Variants in CSTF1 observed in about 807,000 individuals in gnomAD.
CSTF1 encodes the protein CF-1 50 kDa subunit.
Under a neutral mutation model 40.9 loss-of-function variants are expected in CSTF1, and 2 were observed. The observed-to-expected ratio is 0.05, with a 90% CI of 0.02 to 0.15. The LOEUF (loss-of-function observed/expected upper bound fraction) is 0.15. Among genes scored for constraint, CSTF1 ranks in the 10% least tolerant of loss-of-function variants. The pLI is 1.00. For missense variants in CSTF1, 279 were observed against 558.9 expected, an observed-to-expected ratio of 0.50 and a Z score of 5.05; for synonymous variants, 218 against 207.2, an observed-to-expected ratio of 1.05 and a Z score of -0.45.
chr20:56,403,397 T>C lies in CSTF1; in HGVS notation c.1037-71T>C, dbSNP rs1173784084. On this transcript the variant is annotated intron_variant, in intron 5 of 5. Transcript: ENST00000217109. ...GCAACAGGTTTAAAATGCTTTTACA[T>C]TGAATGCTAGAACGTTCTGAGGGTC... 10 of 1,565,622 alleles carry C rather than the reference T, an allele frequency of 6.4e-6. No homozygotes were observed. In the East Asian group the frequency reaches 1.1e-4, roughly 18 times the overall value.
intron 5 of CSTF1, among the ~76,000 whole-genome samples, 195 bp from the exon 6 acceptor site, chr20:56,403,273 C>T (rs183985152): frequency 3.3e-5 from 5 of 152,106 alleles, no homozygotes; most frequent in African/African-American, 1.2e-4. Flanking sequence ...TCCTCAGCCT[C>T]CCAAAGTACT....
chr20:56,398,858 C>T (rs1472825321), intron 4 of CSTF1, 109 bp from the exon 5 acceptor site: 1 of 1,060,930 alleles, frequency 9.4e-7, no homozygotes, highest in African/African-American at 1.6e-5. Flanking sequence ...TGTGTAATAT[C>T]TAATAATTGT....
chr20:56,398,246 A>G (rs1978322817), intron 4 of CSTF1, among the ~76,000 whole-genome samples: 1 of 152,230 alleles, frequency 6.6e-6, no homozygotes, highest in South Asian at 2.1e-4. Flanking sequence ...AGAAATACTA[A>G]TGTTTTAGTT....
intron 2 of CSTF1, among the ~76,000 whole-genome samples, chr20:56,396,573 G>C (rs573788029): frequency 6.6e-6 from 1 of 152,238 alleles, no homozygotes; most frequent in Non-Finnish European, 1.5e-5. Context: ...CGTGCACGGG[G>C]AAGGATCCCT....
chr20:56,403,359 A>G (rs1388895144), intron 5 of CSTF1, 109 bp from the exon 6 acceptor site: 1 of 1,270,322 alleles, frequency 7.9e-7, no homozygotes, highest in East Asian at 2.3e-5. Flanking sequence ...GAAAGTGTAC[A>G]AGGTGTATCA....
chr20:56,403,373 C>A, intron 5 of CSTF1, 95 bp from the exon 6 acceptor site: 1 of 1,452,560 alleles, frequency 6.9e-7, no homozygotes, highest in Non-Finnish European at 9.5e-7. Flanking sequence ...TGTATCACTG[C>A]AACAGGTTTA....
intron 1 of CSTF1, among the ~76,000 whole-genome samples, chr20:56,393,190 A>G (rs924591258): frequency 4.1e-4 from 57 of 139,122 alleles, no homozygotes; most frequent in African/African-American, 1.3e-3. Context: ...GTGTGTGTGT[A>G]TGTACACCCG....
Position 56,403,741 on chromosome 20 carries a change from T to C in CSTF1, c.*14T>C. ...ACCACTGACTGAGCCACCCTCTCCG[T>C]AGGGTTCTTTCTCGAGGACTCTACC... On this transcript the variant is annotated 3_prime_UTR_variant, in exon 6 of 6. Coordinates refer to ENST00000217109, the MANE Select transcript of CSTF1 (RefSeq NM_001324.3). 1 of 1,603,716 alleles carries C rather than the reference T, an allele frequency of 6.2e-7. No homozygotes were observed. Among genetic ancestry groups the C allele is most frequent in the Non-Finnish European group, 8.5e-7 (1 of 1,171,854 alleles).
At chr20:56,394,003 A>G (rs1987429455) in intron 1 of CSTF1, among the ~76,000 whole-genome samples, 1 of 152,090 alleles carries the variant, frequency 6.6e-6, no homozygotes, top group Non-Finnish European at 1.5e-5. Flanking sequence ...GGAGTTGGCA[A>G]TTCTGGTGTG....
At chr20:56,394,446 G>A (rs1457432108) in intron 1 of CSTF1, among the ~76,000 whole-genome samples, 2 of 152,188 alleles carry the variant, frequency 1.3e-5, no homozygotes, top group Non-Finnish European at 2.9e-5. Context: ...AATTAGCCTG[G>A]TGTGGTGGCG....
Position 56,397,052 on chromosome 20 carries a change from TAC to T in CSTF1, c.170-151_170-150del, listed in dbSNP as rs774399287. On this transcript the variant is annotated intron_variant, in intron 2 of 5. Transcript: ENST00000217109. This position sits in a 1 kb window ranked among gnomAD's most constrained non-coding sequence, Gnocchi z 4.4. ...TGAACTTTGAATAGCATGGGCAAAA[TAC>T]ACAGTTTTGTAAAGTGTTAGGTGTC... is the stretch of plus-strand genomic sequence containing the variant. The T allele has an allele frequency of 2.7e-5, 21 of 776,016 alleles. No homozygotes were observed. Among genetic ancestry groups the T allele is most frequent in the Non-Finnish European group, 4.0e-5 (20 of 496,642 alleles). 48.1% of individuals were successfully genotyped at this position (776,016 alleles called of 1,614,324 possible). A position where few individuals can be genotyped will look rare whatever the true frequency, so the allele number is the denominator to read the frequency against.
At chr20:56,398,341 G>A (rs1183566049) in intron 4 of CSTF1, among the ~76,000 whole-genome samples, 1 of 152,142 alleles carries the variant, frequency 6.6e-6, no homozygotes, top group Non-Finnish European at 1.5e-5. Flanking sequence ...AGCCAAAGTG[G>A]GAGGATCACT....
rs972516329 is a variant in CSTF1, at chr20:56,406,060, G to C, written c.*2333G>C. ...GTAGTTTCAGGACCTGTTTTTAAAA[G>C]ATCAAGATACTTTTATGTGTTTCAG... On this transcript the variant is annotated 3_prime_UTR_variant, in exon 6 of 6. Transcript: ENST00000217109. The C allele has an allele frequency of 1.1e-4, 16 of 152,164 alleles. No homozygotes were observed. The highest frequency in any genetic ancestry group is 3.9e-4 in the African/African-American group (16 of 41,436). The allele number at this position is 152,164 out of a possible 1,614,324, so 9.4% of individuals were successfully genotyped here.
chr20:56,397,540 A>G lies in CSTF1; in HGVS notation c.447+56A>G. Reference sequence around the variant, plus strand: ...GCCTTCTGTTTTTCATTTTTGGAAAAATGAGAGTATGGTTGAAACCAGCTT... The same window carrying G: ...GCCTTCTGTTTTTCATTTTTGGAAAGATGAGAGTATGGTTGAAACCAGCTT... On this transcript the variant is annotated intron_variant, in intron 3 of 5. Transcript: ENST00000217109. This position sits in a 1 kb window ranked among gnomAD's most constrained non-coding sequence, Gnocchi z 4.4. 6.2e-7 allele frequency: 1 copy of G among 1,601,926 alleles called. No individual in the cohort carries two copies. The highest frequency in any genetic ancestry group is 1.1e-5 in the South Asian group (1 of 90,382).
chr20:56,403,925 T>C lies in CSTF1; in HGVS notation c.*198T>C, dbSNP rs1184347988. 1 of 589,606 alleles carries C rather than the reference T, an allele frequency of 1.7e-6. No individual in the cohort carries two copies. The highest frequency in any genetic ancestry group is 3.0e-6 in the Non-Finnish European group (1 of 336,188). 36.5% of individuals were successfully genotyped at this position (589,606 alleles called of 1,614,324 possible). A position where few individuals can be genotyped will look rare whatever the true frequency, so the allele number is the denominator to read the frequency against. Reference sequence around the variant, plus strand: ...GTGGAAAAAGTTGGAAACACAGATCTGTGCAGTTCTACATTCACTGATTAT... The same window carrying C: ...GTGGAAAAAGTTGGAAACACAGATCCGTGCAGTTCTACATTCACTGATTAT... On this transcript the variant is annotated 3_prime_UTR_variant, in exon 6 of 6. Transcript: ENST00000217109.
intron 5 of CSTF1, among the ~76,000 whole-genome samples, chr20:56,402,942 A>T (rs1038935589): frequency 1.3e-5 from 2 of 152,022 alleles, no homozygotes; most frequent in Non-Finnish European, 2.9e-5. Flanking sequence ...TAAAAAAAAA[A>T]AAAAAAGATC....
intron 5 of CSTF1, 136 bp from the exon 6 acceptor site, chr20:56,403,332 A>G (rs1269874159): frequency 8.6e-6 from 9 of 1,051,550 alleles, no homozygotes; most frequent in Non-Finnish European, 1.1e-5. Context: ...TCTTTTTTGT[A>G]CTTTTTTAGA....
Position 56,397,970 on chromosome 20 carries a change from G to A in CSTF1, c.645+129G>A, listed in dbSNP as rs1248247169. 18 of 703,600 alleles carry A rather than the reference G, an allele frequency of 2.6e-5. No individual in the cohort carries two copies. The highest frequency in any genetic ancestry group is 3.6e-5 in the African/African-American group (2 of 55,768). 43.6% of individuals were successfully genotyped at this position (703,600 alleles called of 1,614,324 possible). On this transcript the variant is annotated intron_variant, in intron 4 of 5. Coordinates refer to ENST00000217109, the MANE Select transcript of CSTF1 (RefSeq NM_001324.3). This position sits in a 1 kb window ranked among gnomAD's most constrained non-coding sequence, Gnocchi z 4.4. ...TGCGTACAGACCAGGATGCATGCCCGATGGCACATGGATCAGATTTTGTTG... is the reference window on the plus strand; with the variant it reads ...TGCGTACAGACCAGGATGCATGCCCAATGGCACATGGATCAGATTTTGTTG...
intron 5 of CSTF1, among the ~76,000 whole-genome samples, chr20:56,401,421 T>C (rs1188811228): frequency 6.6e-6 from 1 of 152,264 alleles, no homozygotes; most frequent in East Asian, 1.9e-4. Context: ...ATTTATATTA[T>C]CTACTATTGA....
Sources: allele counts gnomAD v4.1 joint callset (sites outside exome capture counted in the v4.1 genomes callset), GRCh38; gene constraint gnomAD v4.1.1; non-coding constraint Gnocchi (gnomAD v3.1); transcripts MANE v1.5; gene names NCBI Gene and HGNC (gene_info 2026-07-23, HGNC 2026-07-21).